The following LMF1 variants were observed in gnomAD, a reference collection of about 807,000 sequenced individuals.
LMF1 encodes lipase maturation factor 1.
LMF1 carries 68 observed loss-of-function variants against 60.6 expected under a neutral mutation model. That is an observed-to-expected ratio of 1.12 (90% CI 0.92 to 1.37). The LOEUF (loss-of-function observed/expected upper bound fraction) is 1.37. Ranked by LOEUF, LMF1 falls within the 40% of genes most tolerant of loss-of-function variation. LMF1 has a pLI of 0.00. For synonymous variants in LMF1, 418 were observed against 324.7 expected, an observed-to-expected ratio of 1.29 and a Z score of -3.09; for missense variants, 948 against 767.2, an observed-to-expected ratio of 1.24 and a Z score of -2.78.
intron 5 of LMF1, among the ~76,000 whole-genome samples, chr16:885,688 C>T (rs898219430): frequency 1.3e-5 from 2 of 152,182 alleles, no homozygotes; most frequent in African/African-American, 4.8e-5. Context: ...GACTCTCAAA[C>T]ACGTATGTGC....
rs2151482066 is a variant in LMF1 at position 957,343 on chromosome 16, A to C, written c.194-2677T>G. On this transcript the variant is annotated intron_variant, in intron 1 of 10. Transcript: ENST00000262301. ...TGAGTGTCTGTGTAGACATGTAGGA[A>C]GCTAGTACATGTACTTTTCCCCATG... Among the ~76,000 whole-genome samples the C allele has an allele frequency of 1.3e-5, 2 of 152,316 alleles. 1 individual carries two copies. Among genetic ancestry groups the C allele is most frequent in the African/African-American group, 4.8e-5 (2 of 41,572 alleles).
At chr16:977,252 C>A (rs952807256) in intron 1 of LMF1, among the ~76,000 whole-genome samples, 1 of 152,218 alleles carries the variant, frequency 6.6e-6, no homozygotes, top group Non-Finnish European at 1.5e-5. Context: ...CTGGCACTGC[C>A]AGCACCCGAG....
At chr16:917,652 C>T (rs1236051046) in intron 3 of LMF1, among the ~76,000 whole-genome samples, 2 of 152,236 alleles carry the variant, frequency 1.3e-5, no homozygotes, top group African/African-American at 4.8e-5. Context: ...GGGCTGCCCT[C>T]CCCTAAGAGA....
chr16:909,211 T>C (rs1008729378), intron 4 of LMF1, among the ~76,000 whole-genome samples: 2 of 152,068 alleles, frequency 1.3e-5, no homozygotes, highest in Non-Finnish European at 2.9e-5. Flanking sequence ...GGCTAAGGGC[T>C]GGCGCAAGGT....
Position 854,502 on chromosome 16 carries a change from T to G in LMF1, c.*30A>C, listed in dbSNP as rs1269893751. 3 of 1,593,428 alleles carry G rather than the reference T, an allele frequency of 1.9e-6. No homozygotes were observed. Among genetic ancestry groups the G allele is most frequent in the East Asian group, 2.3e-5 (1 of 44,268 alleles). ...AAACGTTGCTGAGCCGCCGAGGGGCTGGGTCTTCGCCTTTATTTCTGGTGC... is the reference window on the plus strand; with the variant it reads ...AAACGTTGCTGAGCCGCCGAGGGGCGGGGTCTTCGCCTTTATTTCTGGTGC... On this transcript the variant is annotated 3_prime_UTR_variant, in exon 11 of 11. Coordinates refer to ENST00000262301, the MANE Select transcript of LMF1 (RefSeq NM_022773.4).
chr16:971,956 ATTC>A (rs1360410285), upstream of LMF1, among the ~76,000 whole-genome samples: 3 of 152,238 alleles, frequency 2.0e-5, no homozygotes, highest in Non-Finnish European at 2.9e-5. Flanking sequence ...GTTTTCATGT[ATTC>A]TTCTCTTTTG....
chr16:940,399 C>G (rs1356715305), intron 2 of LMF1, among the ~76,000 whole-genome samples: 2 of 152,044 alleles, frequency 1.3e-5, no homozygotes, highest in Non-Finnish European at 2.9e-5. Flanking sequence ...GCTCACCCAC[C>G]GGGGACCAGC....
intron 3 of LMF1, among the ~76,000 whole-genome samples, chr16:922,410 C>A (rs2071456949): frequency 6.6e-6 from 1 of 152,240 alleles, no homozygotes; most frequent in African/African-American, 2.4e-5. Flanking sequence ...GGGAACTGAT[C>A]CAGCAGGACC....
At chr16:920,546 T>C (rs564027554) in intron 3 of LMF1, among the ~76,000 whole-genome samples, 1 of 152,214 alleles carries the variant, frequency 6.6e-6, no homozygotes, top group East Asian at 1.9e-4. Context: ...CCACAGTGAC[T>C]CATTCTAGAG....
At chr16:899,479 G>C (rs1008376289) in intron 4 of LMF1, 4 of 152,236 alleles carry the variant, frequency 2.6e-5, no homozygotes, top group African/African-American at 2.4e-5. Context: ...AATTACTCTC[G>C]TTCTGGAGTG....
Position 869,981 on chromosome 16 carries a change from C to G in LMF1, c.1318G>C (p.Glu440Gln). The change falls in exon 9 of 11, where the codon GAG (glutamate) becomes CAG (glutamine). Residue 440 changes from glutamate to glutamine, a missense_variant. Glu to Gln is a conservative substitution (Grantham distance 29, BLOSUM62 2). Coordinates refer to ENST00000262301, the MANE Select transcript of LMF1 (RefSeq NM_022773.4). Reference sequence around the variant, plus strand: ...GGGTCACCTGGCTTGCACTTGAACTCGTAGTCCTCCCACATGGCATCGGGG... The same window carrying G: ...GGGTCACCTGGCTTGCACTTGAACTGGTAGTCCTCCCACATGGCATCGGGG... Reference protein sequence around the residue: ...SAPDAMWEDYEFKCKPGDPSR... With the variant: ...SAPDAMWEDYQFKCKPGDPSR... 1.2e-6 allele frequency: 2 copies of G among 1,613,320 alleles called. No homozygotes were observed. The highest frequency in any genetic ancestry group is 1.7e-6 in the Non-Finnish European group (2 of 1,179,870).
At chr16:855,183 C>G (rs565471329) in intron 10 of LMF1, 5 of 244,536 alleles carry the variant, frequency 2.0e-5, no homozygotes, top group African/African-American at 9.0e-5. Flanking sequence ...ACGGGGCAGT[C>G]CGAGGCTGTG....
intron 10 of LMF1, among the ~76,000 whole-genome samples, chr16:866,583 C>T (rs573527593): frequency 1.2e-4 from 18 of 152,272 alleles, no homozygotes; most frequent in African/African-American, 4.1e-4. Flanking sequence ...GGATGAAAAT[C>T]TCAGCTTCCT....
chr16:942,091 G>C (rs1465760), intron 2 of LMF1, among the ~76,000 whole-genome samples: 72,348 of 152,070 alleles, frequency 0.48, 18,868 homozygotes, highest in African/African-American at 0.69. Flanking sequence ...TTTCTATAGT[G>C]TGTCTGCTGG....
At chr16:936,189 T>C (rs894110288) in intron 2 of LMF1, among the ~76,000 whole-genome samples, 1 of 112,708 alleles carries the variant, frequency 8.9e-6, no homozygotes, top group African/African-American at 3.8e-5. Flanking sequence ...CCGTGTGGGC[T>C]GAGGAAGGAG....
At chr16:979,031 C>G in intron 1 of LMF1, 1 of 454,070 alleles carries the variant, frequency 2.2e-6, no homozygotes, top group South Asian at 1.6e-5. Flanking sequence ...TTACCTGCTG[C>G]CTGCCTCCCT....
At chr16:895,707 C>T (rs964351773) in intron 4 of LMF1, among the ~76,000 whole-genome samples, 1 of 152,116 alleles carries the variant, frequency 6.6e-6, no homozygotes, top group East Asian at 1.9e-4. Flanking sequence ...GAGAGGGACA[C>T]GAATGAGAAA....
intron 1 of LMF1, among the ~76,000 whole-genome samples, chr16:978,398 A>T (rs1440902105): frequency 2.0e-5 from 3 of 151,818 alleles, no homozygotes. Context: ...CGCCATCCCT[A>T]GGAGCCACGG....
intron 10 of LMF1, among the ~76,000 whole-genome samples, chr16:867,094 G>A (rs1200051410): frequency 6.6e-6 from 1 of 152,102 alleles, no homozygotes; most frequent in Non-Finnish European, 1.5e-5. Flanking sequence ...GCCTGTCATG[G>A]TACCACCTGC....
Sources: gnomAD v4.1 joint callset for allele counts (sites outside exome capture counted in the v4.1 genomes callset) on GRCh38, gnomAD v4.1.1 for gene constraint, MANE v1.5 for transcripts, NCBI Gene and HGNC (gene_info 2026-07-23, HGNC 2026-07-21) for gene names.